Variants in NUBPL observed in about 807,000 individuals in gnomAD.
NUBPL encodes the protein NUBP iron-sulfur cluster assembly factor, mitochondrial.
A neutral mutation model predicts 45.7 loss-of-function variants in NUBPL; 31 were observed. That is an observed-to-expected ratio of 0.68 (90% confidence interval 0.51 to 0.92). The LOEUF is 0.92. Among genes scored for constraint, NUBPL ranks in the 40% least tolerant of loss-of-function variants. The pLI is 0.00. For missense variants in NUBPL, 401 were observed against 398.7 expected, an observed-to-expected ratio of 1.01 and a Z score of -0.05; for synonymous variants, 144 against 140.9, an observed-to-expected ratio of 1.02 and a Z score of -0.15.
chr14:31,599,479 C>G (rs930456783), intron 4 of NUBPL, 100 bp downstream of exon 4: 4 of 826,424 alleles, frequency 4.8e-6, no homozygotes, highest in Non-Finnish European at 2.0e-6. Flanking sequence ...ATTTTATGCA[C>G]AATGTAGTGT....
intron 4 of NUBPL, among the ~76,000 whole-genome samples, chr14:31,664,494 A>G (rs922721745): frequency 3.9e-5 from 6 of 152,150 alleles, no homozygotes; most frequent in African/African-American, 1.2e-4. Context: ...TGAGATAATC[A>G]TGTGGTTTTT....
intron 3 of NUBPL, among the ~76,000 whole-genome samples, chr14:31,579,231 G>T (rs913676132): frequency 6.6e-6 from 1 of 152,112 alleles, no homozygotes; most frequent in Non-Finnish European, 1.5e-5. Flanking sequence ...GGGCTATTTG[G>T]GGTGGCTTAA....
intron 6 of NUBPL, among the ~76,000 whole-genome samples, chr14:31,753,124 C>T (rs1252309164): frequency 6.6e-6 from 1 of 152,220 alleles, no homozygotes; most frequent in African/African-American, 2.4e-5. Context: ...CTGCAAATGA[C>T]TCAGTAGCCT....
At chr14:31,567,794 CT>C (rs375776935) in intron 3 of NUBPL, among the ~76,000 whole-genome samples, 19 of 152,190 alleles carry the variant, frequency 1.2e-4, no homozygotes, top group African/African-American at 4.1e-4. Flanking sequence ...TACCTGGGAA[CT>C]TGTTAGACAT....
At chr14:31,700,712 T>C (rs934686295) in intron 6 of NUBPL, among the ~76,000 whole-genome samples, 2 of 152,146 alleles carry the variant, frequency 1.3e-5, no homozygotes, top group African/African-American at 2.4e-5. Context: ...GAGGGTGCGC[T>C]GGGTCCTCCA....
At chr14:31,769,467 A>G (rs1269835974) in intron 6 of NUBPL, among the ~76,000 whole-genome samples, 1 of 152,158 alleles carries the variant, frequency 6.6e-6, no homozygotes, top group Non-Finnish European at 1.5e-5. Flanking sequence ...TCATTCTTAC[A>G]TACACTAGAA....
At chr14:31,748,896 G>A (rs1488083140) in intron 6 of NUBPL, among the ~76,000 whole-genome samples, 1 of 152,128 alleles carries the variant, frequency 6.6e-6, no homozygotes, top group Non-Finnish European at 1.5e-5. Flanking sequence ...ACAGGTGTGA[G>A]CCACTGCGCC....
At chr14:31,721,185 C>G (rs1333581751) in intron 6 of NUBPL, among the ~76,000 whole-genome samples, 3 of 152,120 alleles carry the variant, frequency 2.0e-5, no homozygotes, top group Non-Finnish European at 4.4e-5. Flanking sequence ...TTCATTAGTA[C>G]AAAGTCTTAG....
In NUBPL at chr14:31,780,806, C is replaced by T. The variant is rs117518687; in HGVS notation, c.514-6974C>T. Among the ~76,000 whole-genome samples the T allele has an allele frequency of 4.7e-3, 718 of 152,246 alleles. 3 individuals carry two copies. The highest frequency in any genetic ancestry group is 0.024 in the East Asian group (126 of 5,184). The stretch of plus-strand genomic sequence containing the variant: ...AACTAACAAAGAAATCTAGGTATTT[C>T]GGTAGCATATAACTAATTTCACATC... On this transcript the variant is annotated intron_variant, in intron 6 of 10. Transcript: ENST00000281081.
chr14:31,565,397 G>A (rs1399286365), intron 3 of NUBPL, among the ~76,000 whole-genome samples: 1 of 152,110 alleles, frequency 6.6e-6, no homozygotes, highest in Non-Finnish European at 1.5e-5. Flanking sequence ...TGAAAGTAGT[G>A]TATATCCATT....
At chr14:31,673,707 C>T in intron 6 of NUBPL, 133 bp downstream of exon 6, 4 of 784,754 alleles carry the variant, frequency 5.1e-6, no homozygotes, top group Admixed American at 2.0e-5. Context: ...TAATATGGCA[C>T]CTAATGAGTT....
intron 4 of NUBPL, among the ~76,000 whole-genome samples, chr14:31,637,899 T>G (rs1275449081): frequency 1.3e-5 from 2 of 152,202 alleles, no homozygotes; most frequent in East Asian, 3.8e-4. Flanking sequence ...TATCAGAGAC[T>G]AGGATTGCAA....
intron 6 of NUBPL, among the ~76,000 whole-genome samples, chr14:31,740,804 C>T (rs896857071): frequency 1.3e-5 from 2 of 152,086 alleles, no homozygotes; most frequent in African/African-American, 4.8e-5. Context: ...TTCCCCTCAT[C>T]CCCCCAGTCT....
intron 4 of NUBPL, among the ~76,000 whole-genome samples, chr14:31,672,234 T>C (rs2036587005): frequency 6.6e-6 from 1 of 151,576 alleles, no homozygotes; most frequent in Non-Finnish European, 1.5e-5. Flanking sequence ...AAGGAACAAA[T>C]AAGTAGTAAC....
chr14:31,859,205 C>G lies in NUBPL; in HGVS notation c.*25C>G, dbSNP rs1399611401. The stretch of plus-strand genomic sequence containing the variant: ...ATTCCCCAAGTGTCCTGGAAATTTG[C>G]CTGGTACTGACATTAAGAGGACCTT... On this transcript the variant is annotated 3_prime_UTR_variant, in exon 11 of 11. Coordinates refer to ENST00000281081, the MANE Select transcript of NUBPL (RefSeq NM_025152.3). 6.3e-7 allele frequency: 1 copy of G among 1,599,384 alleles called. No homozygotes were observed. Among genetic ancestry groups the G allele is most frequent in the East Asian group, 2.2e-5 (1 of 44,734 alleles).
At chr14:31,770,049 T>C (rs1268132820) in intron 6 of NUBPL, among the ~76,000 whole-genome samples, 1 of 152,182 alleles carries the variant, frequency 6.6e-6, no homozygotes, top group East Asian at 1.9e-4. Context: ...TTTCAGTGCT[T>C]GTTTTTTTTA....
At position 31,606,172 on chromosome 14, in the gene NUBPL, C is replaced by A. The variant is rs1284896329; in HGVS notation, c.382+6793C>A. On this transcript the variant is annotated intron_variant, in intron 4 of 10. Transcript: ENST00000281081. ...AAAGTGGTGCCATCATAACTCACTG[C>A]AGCCTCAAACTCCTGGGCTCAAGTG... Among the ~76,000 whole-genome samples the A allele has an allele frequency of 2.0e-5, 3 of 148,890 alleles. No individual in the cohort carries two copies. The East Asian group carries it at 6.0e-4, about 30-fold the overall frequency.
chr14:31,763,971 C>T (rs2038865448), intron 6 of NUBPL, among the ~76,000 whole-genome samples: 1 of 152,132 alleles, frequency 6.6e-6, no homozygotes, highest in African/African-American at 2.4e-5. Flanking sequence ...GAAACTAAGG[C>T]AGACAAAATA....
chr14:31,566,017 C>A (rs781398958), intron 3 of NUBPL, among the ~76,000 whole-genome samples: 60 of 152,048 alleles, frequency 3.9e-4, no homozygotes, highest in Non-Finnish European at 7.2e-4. Flanking sequence ...AAGGCACACA[C>A]GTATTTCAGA....
Sources: gnomAD v4.1 joint callset for allele counts (sites outside exome capture counted in the v4.1 genomes callset) on GRCh38, gnomAD v4.1.1 for gene constraint, MANE v1.5 for transcripts, NCBI Gene and HGNC (gene_info 2026-07-23, HGNC 2026-07-21) for gene names.